The following PCDHGB2 variants were observed in gnomAD, a reference collection of about 807,000 sequenced individuals.
PCDHGB2 encodes the protein protocadherin gamma subfamily B, 2.
In PCDHGB2, 55 loss-of-function variants were observed where a neutral mutation model predicts 59.3. The observed-to-expected ratio is 0.93, with a 90% CI of 0.75 to 1.16. The LOEUF (loss-of-function observed/expected upper bound fraction) is 1.16. Among genes scored for constraint, PCDHGB2 ranks in the 50% most tolerant of loss-of-function variants. The pLI is 0.00. For synonymous variants in PCDHGB2, 516 were observed against 512.0 expected, an observed-to-expected ratio of 1.01 and a Z score of -0.11; for missense variants, 1,228 against 1,198.5, an observed-to-expected ratio of 1.02 and a Z score of -0.36.
rs966319513 is a variant in PCDHGB2 at position 141,366,126 on chromosome 5, G to A, written c.2421+3570G>A. 6 of 1,614,214 alleles carry A rather than the reference G, an allele frequency of 3.7e-6. No homozygotes were observed. The South Asian group carries it at 5.5e-5, about 15-fold the overall frequency. Reference sequence around the variant, plus strand: ...GTGGTAGCGGTGGACAAAGATTCAGGCCAGAACGCCTGGCTGTCCTACCGC... The same window carrying A: ...GTGGTAGCGGTGGACAAAGATTCAGACCAGAACGCCTGGCTGTCCTACCGC... On this transcript the variant is annotated intron_variant, in intron 1 of 3. Transcript: ENST00000522605.
In PCDHGB2 at chr5:141,408,807, G is replaced by A. The variant is rs372007066; in HGVS notation, c.2421+46251G>A. On this transcript the variant is annotated intron_variant, in intron 1 of 3. Transcript: ENST00000522605. ...TTATCTCTGGAGAAACTCCTAGACCGGGAAGAACAGAGATCTCATAGCTTG... is the reference window on the plus strand; with the variant it reads ...TTATCTCTGGAGAAACTCCTAGACCAGGAAGAACAGAGATCTCATAGCTTG... 1.2e-5 allele frequency: 20 copies of A among 1,612,986 alleles called. No homozygotes were observed. Among genetic ancestry groups the A allele is most frequent in the Middle Eastern group, 1.6e-4 (1 of 6,084 alleles).
At chr5:141,378,732 A>G (rs1311282729) in intron 1 of PCDHGB2, 1 of 152,232 alleles carries the variant, frequency 6.6e-6, no homozygotes, top group Admixed American at 6.5e-5. Context: ...CTCTTTATTG[A>G]AATATTTCAA....
At chr5:141,391,576 T>A (rs1172672552) in intron 1 of PCDHGB2, 1 of 152,236 alleles carries the variant, frequency 6.6e-6, no homozygotes, top group Non-Finnish European at 1.5e-5. Flanking sequence ...AGAAAATATA[T>A]TCACAGGAAA....
At chr5:141,434,427 G>A (rs2097693282) in intron 1 of PCDHGB2, among the ~76,000 whole-genome samples, 1 of 152,216 alleles carries the variant, frequency 6.6e-6, no homozygotes, top group African/African-American at 2.4e-5. Context: ...GTTCATGATG[G>A]CCGTAATGCC....
chr5:141,375,000 A>G (rs1771022536), intron 1 of PCDHGB2: 3 of 1,614,046 alleles, frequency 1.9e-6, no homozygotes, highest in Non-Finnish European at 8.5e-7. Context: ...ACTTCTGCAA[A>G]TCTAGACTAT....
chr5:141,490,346 T>A lies in PCDHGB2; in HGVS notation c.2422-4461T>A. On this transcript the variant is annotated intron_variant, in intron 1 of 3. Coordinates refer to ENST00000522605, the MANE Select transcript of PCDHGB2 (RefSeq NM_018923.3). This position sits in a 1 kb window ranked among gnomAD's most constrained non-coding sequence, Gnocchi z 5.4. ...GAGAGCACACCAGTGGGCACAGTAG[T>A]GGGGTTGTTTAATGTGCGAGACCGG... The A allele has an allele frequency of 6.2e-7, 1 of 1,614,164 alleles. No individual in the cohort carries two copies. The highest frequency in any genetic ancestry group is 8.5e-7 in the Non-Finnish European group (1 of 1,180,020).
At chr5:141,383,983 C>G (rs769557615) in intron 1 of PCDHGB2, 1 of 1,613,794 alleles carries the variant, frequency 6.2e-7, no homozygotes, top group Non-Finnish European at 8.5e-7. Flanking sequence ...AGACACACCT[C>G]TTGGGACAGT....
chr5:141,387,177 T>C (rs989484840), intron 1 of PCDHGB2, among the ~76,000 whole-genome samples: 2 of 152,184 alleles, frequency 1.3e-5, no homozygotes, highest in Non-Finnish European at 2.9e-5. Context: ...AATTGCACCT[T>C]CTAAAAGGCA....
At chr5:141,363,876 G>T (rs566342740) in intron 1 of PCDHGB2, among the ~76,000 whole-genome samples, 1 of 152,224 alleles carries the variant, frequency 6.6e-6, no homozygotes, top group Admixed American at 6.5e-5. Flanking sequence ...GGTAAATAAA[G>T]GACATAGGCT....
rs775012950 is a variant in PCDHGB2, at chr5:141,428,225, A to T, written c.2421+65669A>T. On this transcript the variant is annotated intron_variant, in intron 1 of 3. Coordinates refer to ENST00000522605, the MANE Select transcript of PCDHGB2 (RefSeq NM_018923.3). ...GCTACGCTTCACCTAGTCTTCGCAG[A>T]CAGCCTGCAGGAGGCACTGCCAGAC... is the stretch of plus-strand genomic sequence containing the variant. 19 of 1,156,574 alleles carry T rather than the reference A, an allele frequency of 1.6e-5. No homozygotes were observed. In the Admixed American group the frequency reaches 3.1e-4, roughly 19 times the overall value. 71.6% of individuals were successfully genotyped at this position (1,156,574 alleles called of 1,614,324 possible).
Position 141,409,090 on chromosome 5 carries a change from G to C in PCDHGB2, c.2421+46534G>C, listed in dbSNP as rs181368417. 9.9e-5 allele frequency: 159 copies of C among 1,614,024 alleles called. No individual in the cohort carries two copies. The African/African-American group carries it at 1.9e-3, about 19-fold the overall frequency. On this transcript the variant is annotated intron_variant, in intron 1 of 3. Transcript: ENST00000522605. ...CAAAACATATGTTCTCATTGGATGA[G>C]AAAACAGGTATGATTAAGAATAACC...
rs992592523 is a variant in PCDHGB2 at position 141,432,710 on chromosome 5, C to T, written c.2422-62097C>T. ...CGTAGTGGCCGTCCAGGACCACGGC[C>T]AGCCCCCTCTCTCCGCCACTGTCAC... On this transcript the variant is annotated intron_variant, in intron 1 of 3. Coordinates refer to ENST00000522605, the MANE Select transcript of PCDHGB2 (RefSeq NM_018923.3). This position sits in a 1 kb window ranked among gnomAD's most constrained non-coding sequence, Gnocchi z 6.0. The T allele has an allele frequency of 6.2e-7, 1 of 1,613,884 alleles. No homozygotes were observed.
At chr5:141,370,837 C>T in intron 1 of PCDHGB2, 1 of 1,614,004 alleles carries the variant, frequency 6.2e-7, no homozygotes, top group Non-Finnish European at 8.5e-7. Flanking sequence ...CTGGCTCTCA[C>T]TGGAGCCACA....
chr5:141,490,906 G>C lies in PCDHGB2; in HGVS notation c.2422-3901G>C. On this transcript the variant is annotated intron_variant, in intron 1 of 3. Transcript: ENST00000522605. The surrounding 1 kb of genome is among the most constrained non-coding windows in gnomAD (Gnocchi z 5.4). ...CACATCTCTGCATGTGTTTGTCCTA[G>C]ACGAGAATGATAATGCCCCAGCTGT... The C allele has an allele frequency of 1.9e-6, 3 of 1,613,798 alleles. No individual in the cohort carries two copies. The highest frequency in any genetic ancestry group is 2.5e-6 in the Non-Finnish European group (3 of 1,179,808).
At position 141,399,887 on chromosome 5, in the gene PCDHGB2, T is replaced by C. The variant is rs1189359878; in HGVS notation, c.2421+37331T>C. ...GAGCCCGGCTACCTGGTGACCAAGG[T>C]AGTGGCCGTGGACGCAGACTCAGGA... On this transcript the variant is annotated intron_variant, in intron 1 of 3. Coordinates refer to ENST00000522605, the MANE Select transcript of PCDHGB2 (RefSeq NM_018923.3). 3 of 1,612,524 alleles carry C rather than the reference T, an allele frequency of 1.9e-6. No homozygotes were observed. The African/African-American group carries it at 4.0e-5, about 22-fold the overall frequency.
At chr5:141,505,015 A>G (rs965107997) in intron 2 of PCDHGB2, among the ~76,000 whole-genome samples, 1 of 152,160 alleles carries the variant, frequency 6.6e-6, no homozygotes, top group Admixed American at 6.5e-5. Flanking sequence ...TACAAAAATT[A>G]GCCTGGCACA....
intron 2 of PCDHGB2, among the ~76,000 whole-genome samples, chr5:141,505,069 G>A (rs2099843308): frequency 2.0e-5 from 3 of 152,340 alleles, no homozygotes; most frequent in East Asian, 1.9e-4. Flanking sequence ...GACTGAGGCA[G>A]GAGAATCGCT....
At chr5:141,418,604 G>A in intron 1 of PCDHGB2, 2 of 1,614,040 alleles carry the variant, frequency 1.2e-6, no homozygotes, top group Non-Finnish European at 1.7e-6. Context: ...CGTGTACAGG[G>A]TTAGCCTTCG....
intron 1 of PCDHGB2, among the ~76,000 whole-genome samples, chr5:141,464,240 G>A (rs1396190870): frequency 1.3e-5 from 2 of 150,444 alleles, no homozygotes; most frequent in Non-Finnish European, 2.9e-5. Context: ...ACTCCAGCCT[G>A]GGCTACAGAG....
Sources: gnomAD v4.1 joint callset for allele counts (sites outside exome capture counted in the v4.1 genomes callset) on GRCh38, gnomAD v4.1.1 for gene constraint, Gnocchi (gnomAD v3.1) non-coding constraint, MANE v1.5 for transcripts, NCBI Gene and HGNC (gene_info 2026-07-23, HGNC 2026-07-21) for gene names.